JARID2: variants seen among roughly 807,000 people sequenced by gnomAD.
JARID2 encodes jumonji and AT-rich interaction domain containing 2.
Under a neutral mutation model 125.6 loss-of-function variants are expected in JARID2, and 21 were observed. The ratio of observed to expected loss-of-function variants is 0.17; its 90% confidence interval spans 0.12 to 0.24. The LOEUF is 0.24. Ranked by LOEUF, JARID2 falls within the 10% of genes least tolerant of loss-of-function variation. The probability of loss-of-function intolerance (pLI) is 1.00; values close to 1 mark genes in which losing one functional copy is unlikely to be tolerated. For synonymous variants in JARID2, 736 were observed against 661.6 expected, an observed-to-expected ratio of 1.11 and a Z score of -1.73; for missense variants, 1,303 against 1,639.6, an observed-to-expected ratio of 0.79 and a Z score of 3.55.
At chr6:15,429,651 A>G (rs1228120476) in intron 3 of JARID2, among the ~76,000 whole-genome samples, 2 of 152,128 alleles carry the variant, frequency 1.3e-5, no homozygotes, top group African/African-American at 2.4e-5. Flanking sequence ...TTTGCACACT[A>G]TCATCTTGGA....
At chr6:15,331,468 C>G (rs1484744147) in intron 1 of JARID2, among the ~76,000 whole-genome samples, 3 of 152,094 alleles carry the variant, frequency 2.0e-5, no homozygotes, top group Admixed American at 2.0e-4. Flanking sequence ...AGAAATACCC[C>G]AGACTGAATG....
At chr6:15,375,698 C>T (rs1469433867) in intron 2 of JARID2, among the ~76,000 whole-genome samples, 1 of 152,138 alleles carries the variant, frequency 6.6e-6, no homozygotes, top group Non-Finnish European at 1.5e-5. Flanking sequence ...GTCATTGATT[C>T]ACGTTGAACG....
intron 2 of JARID2, among the ~76,000 whole-genome samples, chr6:15,407,489 C>A (rs762573171): frequency 1.1e-4 from 17 of 152,154 alleles, no homozygotes; most frequent in Non-Finnish European, 1.9e-4. Context: ...ATCATTTGTT[C>A]ATTCTTTCAT....
At chr6:15,331,980 G>A (rs1280024446) in intron 1 of JARID2, among the ~76,000 whole-genome samples, 1 of 152,136 alleles carries the variant, frequency 6.6e-6, no homozygotes, top group Non-Finnish European at 1.5e-5. Flanking sequence ...TGTTCTGTTT[G>A]ATATTTGTGA....
In JARID2 at chr6:15,417,727, T is replaced by G. The variant is rs116635258; in HGVS notation, c.323+7362T>G. ...ATCACACTCCATCCTGGGGGACAGA[T>G]CCAGACTCTGTCTCAAAAAAAAACT... On this transcript the variant is annotated intron_variant, in intron 3 of 17. Transcript: ENST00000341776. Among the ~76,000 whole-genome samples the G allele has an allele frequency of 7.2e-3, 1,094 of 152,078 alleles. 14 individuals are homozygous for G. Among genetic ancestry groups the G allele is most frequent in the African/African-American group, 0.025 (1,040 of 41,476 alleles).
chr6:15,503,799 C>T (rs565350500), intron 8 of JARID2, among the ~76,000 whole-genome samples: 27 of 152,170 alleles, frequency 1.8e-4, no homozygotes, highest in Non-Finnish European at 3.5e-4. Flanking sequence ...CACCACATTT[C>T]GTGTGGTAGG....
intron 1 of JARID2, among the ~76,000 whole-genome samples, chr6:15,317,179 T>G (rs1762206769): frequency 6.6e-6 from 1 of 152,186 alleles, no homozygotes; most frequent in Non-Finnish European, 1.5e-5. Flanking sequence ...AATAATTTCT[T>G]CCTGTCCCTC....
intron 4 of JARID2, among the ~76,000 whole-genome samples, chr6:15,458,493 T>C (rs1768295117): frequency 6.6e-6 from 1 of 152,242 alleles, no homozygotes; most frequent in Non-Finnish European, 1.5e-5. Flanking sequence ...TGCCTGCCTT[T>C]TGTTTCTTCT....
chr6:15,316,609 A>G (rs1456950727), intron 1 of JARID2, among the ~76,000 whole-genome samples: 3 of 152,072 alleles, frequency 2.0e-5, no homozygotes, highest in African/African-American at 7.2e-5. Context: ...ATCTCAGCTC[A>G]CTGCAACCTC....
At chr6:15,461,722 T>C (rs1768458803) in intron 4 of JARID2, among the ~76,000 whole-genome samples, 1 of 152,186 alleles carries the variant, frequency 6.6e-6, no homozygotes. Flanking sequence ...CTCAGCTTGC[T>C]TTTGCCTATG....
At chr6:15,482,707 T>C (rs1769680015) in intron 5 of JARID2, among the ~76,000 whole-genome samples, 1 of 152,228 alleles carries the variant, frequency 6.6e-6, no homozygotes, top group African/African-American at 2.4e-5. Flanking sequence ...TCTTTGTAGA[T>C]GATTTCAGTA....
In JARID2 at chr6:15,410,082, T is replaced by A. The variant is rs538889779; in HGVS notation, c.182-142T>A. 3 of 699,288 alleles carry A rather than the reference T, an allele frequency of 4.3e-6. 1 individual carries two copies. The highest frequency in any genetic ancestry group is 1.8e-5 in the African/African-American group (1 of 56,506). The allele number at this position is 699,288 out of a possible 1,614,324, so 43.3% of individuals were successfully genotyped here. A position where few individuals can be genotyped will look rare whatever the true frequency, so the allele number is the denominator to read the frequency against. On this transcript the variant is annotated intron_variant, in intron 2 of 17. Coordinates refer to ENST00000341776, the MANE Select transcript of JARID2 (RefSeq NM_004973.4). ...ATGAGGTTTTGCTTTTCTCCACCCA[T>A]TCAAAAGGGATGTGTGCTTTTAAAT...
intron 1 of JARID2, among the ~76,000 whole-genome samples, chr6:15,287,098 C>T (rs1761030917): frequency 6.6e-6 from 1 of 151,588 alleles, no homozygotes; most frequent in Non-Finnish European, 1.5e-5. Context: ...TGAACTCCAG[C>T]CTGGGCAACA....
intron 1 of JARID2, among the ~76,000 whole-genome samples, chr6:15,347,073 G>T (rs1386707735): frequency 6.6e-6 from 1 of 152,152 alleles, no homozygotes; most frequent in Non-Finnish European, 1.5e-5. Flanking sequence ...AAGATAGGTA[G>T]ACTGTTTTCT....
intron 5 of JARID2, among the ~76,000 whole-genome samples, chr6:15,475,079 G>A (rs140852133): frequency 9.6e-4 from 146 of 152,270 alleles, no homozygotes; most frequent in African/African-American, 3.3e-3. Context: ...CAGTTCCCAT[G>A]GCAGCTAAAA....
Position 15,366,503 on chromosome 6 carries a change from G to C in JARID2, c.46-7614G>C, listed in dbSNP as rs986003031. On this transcript the variant is annotated intron_variant, in intron 1 of 17. Transcript: ENST00000341776. Reference sequence around the variant, plus strand: ...GCTCTAGCGATCTCTATATGTGGGTGGGGGGCGGGGGGGGCGGGGGGGGTG... The same window carrying C: ...GCTCTAGCGATCTCTATATGTGGGTCGGGGGCGGGGGGGGCGGGGGGGGTG... 2.2e-3 allele frequency among the ~76,000 whole-genome samples: 293 copies of C among 135,772 alleles called. 2 individuals carry two copies. Among genetic ancestry groups the C allele is most frequent in the Admixed American group, 0.016 (221 of 13,836 alleles). 89.1% of individuals were successfully genotyped at this position (135,772 alleles called of 152,430 possible). A position where few individuals can be genotyped will look rare whatever the true frequency, so the allele number is the denominator to read the frequency against.
At chr6:15,432,471 AAC>A (rs1491228310) in intron 3 of JARID2, among the ~76,000 whole-genome samples, 37 of 151,770 alleles carry the variant, frequency 2.4e-4, no homozygotes, top group Non-Finnish European at 4.9e-4. Context: ...CAACAACAAC[AAC>A]AACAACAAGA....
chr6:15,433,927 T>G (rs1331472263), intron 3 of JARID2, among the ~76,000 whole-genome samples: 22 of 60,458 alleles, frequency 3.6e-4, no homozygotes, highest in African/African-American at 1.3e-3. Context: ...CCAGGGTGTG[T>G]GTGTGTGTGT....
At chr6:15,338,971 C>T (rs1009002296) in intron 1 of JARID2, among the ~76,000 whole-genome samples, 1 of 152,158 alleles carries the variant, frequency 6.6e-6, no homozygotes, top group Non-Finnish European at 1.5e-5. Flanking sequence ...AAGACCTTGA[C>T]GAACACTGAG....
Sources: gnomAD v4.1 joint callset for allele counts (sites outside exome capture counted in the v4.1 genomes callset) on GRCh38, gnomAD v4.1.1 for gene constraint, MANE v1.5 for transcripts, NCBI Gene and HGNC (gene_info 2026-07-23, HGNC 2026-07-21) for gene names.